The following PBX3 variants were observed in gnomAD, a reference collection of about 807,000 sequenced individuals.
PBX3 encodes PBX homeobox 3, also known as pre-B-cell leukemia transcription factor 3.
In PBX3, 14 loss-of-function variants were observed where a neutral mutation model predicts 48.5. That is an observed-to-expected ratio of 0.29 (90% CI 0.19 to 0.45). The LOEUF (loss-of-function observed/expected upper bound fraction) is 0.45. PBX3 is among the 20% of genes least tolerant of loss of function. The pLI is 1.00. For missense variants in PBX3, 386 were observed against 546.7 expected, an observed-to-expected ratio of 0.71 and a Z score of 2.93; for synonymous variants, 210 against 200.3, an observed-to-expected ratio of 1.05 and a Z score of -0.41.
chr9:125,916,970 C>A (rs1841348263), intron 3 of PBX3, among the ~76,000 whole-genome samples: 1 of 152,098 alleles, frequency 6.6e-6, no homozygotes. Flanking sequence ...TAGAGTTCAA[C>A]CCCAAATAAG....
intron 3 of PBX3, among the ~76,000 whole-genome samples, chr9:125,925,733 T>C (rs1841560527): frequency 6.6e-6 from 1 of 152,234 alleles, no homozygotes; most frequent in Non-Finnish European, 1.5e-5. Context: ...ATTCTTTGTA[T>C]TTTATTTTTT....
rs1837547569 is a variant in PBX3, at chr9:125,789,697, G to A, written c.274+41074G>A. ...GCTCAAGGGGAGGCTACTACATAGG[G>A]TGTGAATAGTAGGCAGTGGGACCAT... On this transcript the variant is annotated intron_variant, in intron 2 of 8. Transcript: ENST00000373489. Among the ~76,000 whole-genome samples, 10 of 152,130 alleles carry A rather than the reference G, an allele frequency of 6.6e-5. No homozygotes were observed. The South Asian group carries it at 2.1e-3, about 31-fold the overall frequency.
intron 2 of PBX3, among the ~76,000 whole-genome samples, chr9:125,886,276 A>G (rs1840499179): frequency 6.6e-6 from 1 of 152,106 alleles, no homozygotes; most frequent in Non-Finnish European, 1.5e-5. Flanking sequence ...CACTGTCTCA[A>G]AACCCACTGT....
intron 2 of PBX3, among the ~76,000 whole-genome samples, chr9:125,851,097 C>T (rs1198495257): frequency 6.6e-6 from 1 of 152,004 alleles, no homozygotes; most frequent in Admixed American, 6.6e-5. Flanking sequence ...AACCATAGTG[C>T]ACATCAGTGA....
At chr9:125,844,899 T>C (rs1839388203) in intron 2 of PBX3, 1 of 152,142 alleles carries the variant, frequency 6.6e-6, no homozygotes, top group South Asian at 2.1e-4. Flanking sequence ...TAATGAAGTT[T>C]AGTAGGTTCA....
In PBX3 at chr9:125,899,371, A is replaced by T. The variant is rs1272377370; in HGVS notation, c.275-16315A>T. On this transcript the variant is annotated intron_variant, in intron 2 of 8. Transcript: ENST00000373489. Reference sequence around the variant, plus strand: ...TATATTTTTATATAAATATATACATATATGTATATATTTTTATATAAATAT... The same window carrying T: ...TATATTTTTATATAAATATATACATTTATGTATATATTTTTATATAAATAT... 3.9e-5 allele frequency among the ~76,000 whole-genome samples: 5 copies of T among 129,094 alleles called. No homozygotes were observed. The East Asian group carries it at 1.0e-3, about 26-fold the overall frequency. The allele number at this position is 129,094 out of a possible 152,430, so 84.7% of individuals were successfully genotyped here. A position where few individuals can be genotyped will look rare whatever the true frequency, so the allele number is the denominator to read the frequency against.
At chr9:125,780,243 AGCC>A (rs1837223651) in intron 2 of PBX3, among the ~76,000 whole-genome samples, 3 of 114,816 alleles carry the variant, frequency 2.6e-5, no homozygotes, top group Admixed American at 9.0e-5. Flanking sequence ...CGGGGGGCTG[AGCC>A]CCCCACCTCC....
At chr9:125,862,216 A>G (rs1366882112) in intron 2 of PBX3, among the ~76,000 whole-genome samples, 2 of 152,114 alleles carry the variant, frequency 1.3e-5, no homozygotes, top group Non-Finnish European at 2.9e-5. Context: ...TAGCCTCTTG[A>G]TGTTTCAGTC....
At chr9:125,936,461 C>T (rs1036540971) in intron 5 of PBX3, among the ~76,000 whole-genome samples, 7 of 152,240 alleles carry the variant, frequency 4.6e-5, no homozygotes, top group East Asian at 1.9e-4. Context: ...GAAAAACTGA[C>T]GCTTGTCAAA....
At chr9:125,899,816 G>T (rs1840898801) in intron 2 of PBX3, among the ~76,000 whole-genome samples, 1 of 151,726 alleles carries the variant, frequency 6.6e-6, no homozygotes, top group Non-Finnish European at 1.5e-5. Context: ...ATATGTGCTT[G>T]TCTAGAAGTA....
chr9:125,793,281 G>A (rs1021860262), intron 2 of PBX3, among the ~76,000 whole-genome samples: 1 of 149,314 alleles, frequency 6.7e-6, no homozygotes, highest in Non-Finnish European at 1.5e-5. Flanking sequence ...GAACCTGGGA[G>A]GCAGAGCTTG....
chr9:125,910,370 AC>A (rs1841175254), intron 2 of PBX3, among the ~76,000 whole-genome samples: 1 of 152,086 alleles, frequency 6.6e-6, no homozygotes, highest in Non-Finnish European at 1.5e-5. Flanking sequence ...ATTATTGCTC[AC>A]AGGAACTTCA....
chr9:125,889,433 A>T (rs150515911), intron 2 of PBX3, among the ~76,000 whole-genome samples: 5 of 152,284 alleles, frequency 3.3e-5, no homozygotes, highest in Non-Finnish European at 7.4e-5. Context: ...TTCCTAAAGG[A>T]TCTAGAACGA....
At chr9:125,862,972 G>C (rs1295374057) in intron 2 of PBX3, among the ~76,000 whole-genome samples, 1 of 152,062 alleles carries the variant, frequency 6.6e-6, no homozygotes, top group African/African-American at 2.4e-5. Flanking sequence ...TTGGCTCACT[G>C]CTGCAACCTC....
intron 2 of PBX3, among the ~76,000 whole-genome samples, chr9:125,799,374 G>A (rs1280320827): frequency 3.9e-5 from 6 of 152,220 alleles, no homozygotes; most frequent in South Asian, 2.1e-4. Context: ...GTGTGGTGGC[G>A]TGCACGCTGT....
intron 2 of PBX3, among the ~76,000 whole-genome samples, chr9:125,819,447 C>T (rs376335585): frequency 5.3e-5 from 8 of 151,908 alleles, no homozygotes; most frequent in Admixed American, 5.2e-4. Flanking sequence ...ATCACTTGAA[C>T]CCGGGAGGCG....
At chr9:125,861,482 A>G (rs112992430) in intron 2 of PBX3, among the ~76,000 whole-genome samples, 1 of 152,162 alleles carries the variant, frequency 6.6e-6, no homozygotes. Context: ...ATGCCTAGGT[A>G]TATACCCAAG....
At chr9:125,861,441 C>G (rs990982064) in intron 2 of PBX3, among the ~76,000 whole-genome samples, 23 of 152,110 alleles carry the variant, frequency 1.5e-4, no homozygotes, top group African/African-American at 5.6e-4. Context: ...CAAAGGCTAA[C>G]TGTATAATTA....
At chr9:125,959,279 T>C (rs7857456) in intron 5 of PBX3, among the ~76,000 whole-genome samples, 95,966 of 152,166 alleles carry the variant, frequency 0.63, 31,799 homozygotes, top group East Asian at 0.77. Context: ...AGCTAGGAAG[T>C]GCTGATCTGT....
Sources: allele counts gnomAD v4.1 joint callset (sites outside exome capture counted in the v4.1 genomes callset), GRCh38; gene constraint gnomAD v4.1.1; transcripts MANE v1.5; gene names NCBI Gene and HGNC (gene_info 2026-07-23, HGNC 2026-07-21).